The following GRK3 variants were observed in gnomAD, a reference collection of about 807,000 sequenced individuals.
GRK3 encodes G protein-coupled receptor kinase 3.
A neutral mutation model predicts 95.7 loss-of-function variants in GRK3; 54 were observed. The observed-to-expected ratio is 0.56, with a 90% CI of 0.45 to 0.71. GRK3 has a LOEUF of 0.71. GRK3 is among the 30% of genes least tolerant of loss of function. The pLI, the probability that GRK3 is intolerant of heterozygous loss-of-function variation, is 0.00. For synonymous variants in GRK3, 281 were observed against 290.8 expected (o/e 0.97, Z 0.34); for missense variants, 649 against 851.2 (o/e 0.76, Z 2.96).
chr22:25,643,383 TC>T (rs2084757387), intron 2 of GRK3, among the ~76,000 whole-genome samples: 1 of 152,226 alleles, frequency 6.6e-6, no homozygotes, highest in South Asian at 2.1e-4. Context: ...AAGGCCACGT[TC>T]CGGGAACTAT....
intron 17 of GRK3, among the ~76,000 whole-genome samples, chr22:25,711,597 G>GT (rs945918649): frequency 1.2e-4 from 18 of 151,980 alleles, no homozygotes; most frequent in South Asian, 2.1e-4. Context: ...AATAATCACT[G>GT]TTTTTTTTAA....
At chr22:25,619,002 G>C (rs766783744) in intron 2 of GRK3, among the ~76,000 whole-genome samples, 1 of 152,170 alleles carries the variant, frequency 6.6e-6, no homozygotes, top group Non-Finnish European at 1.5e-5. Flanking sequence ...CATGGTGAGA[G>C]ATTAAGTCTG....
At chr22:25,702,924 T>C (rs1439864608) in intron 13 of GRK3, 14 of 455,790 alleles carry the variant, frequency 3.1e-5, no homozygotes, top group Non-Finnish European at 5.7e-5. Context: ...CTTTTCTGAC[T>C]CTGGAGTCGG....
At chr22:25,690,699 A>C (rs1026329361) in intron 12 of GRK3, among the ~76,000 whole-genome samples, 2 of 152,148 alleles carry the variant, frequency 1.3e-5, no homozygotes, top group African/African-American at 4.8e-5. Flanking sequence ...TGGTCAAGGG[A>C]GGTCCTCGGG....
At chr22:25,570,030 C>A (rs1469808116) in intron 1 of GRK3, among the ~76,000 whole-genome samples, 3 of 152,190 alleles carry the variant, frequency 2.0e-5, no homozygotes, top group Non-Finnish European at 2.9e-5. Flanking sequence ...AAAACGAATA[C>A]CAAACTCCCT....
At chr22:25,664,951 T>C (rs1300810353) in intron 5 of GRK3, among the ~76,000 whole-genome samples, 1 of 152,232 alleles carries the variant, frequency 6.6e-6, no homozygotes, top group Non-Finnish European at 1.5e-5. Context: ...AATAATTAGA[T>C]GGACTTTCAT....
In GRK3 at chr22:25,687,573, T is replaced by A; in HGVS notation, c.863T>A (p.Val288Glu). ...DLHYHLSQHG[V>E]FSEKEMRFYA... is the part of the protein sequence containing the mutation. ...CACTACCACCTTTCACAACACGGTGTGTTCTCTGAGAAGGAGATGCGGTTT... is the reference window on the plus strand; with the variant it reads ...CACTACCACCTTTCACAACACGGTGAGTTCTCTGAGAAGGAGATGCGGTTT... The change falls in exon 11 of 21, where the codon GTG (valine) becomes GAG (glutamate). Residue 288 changes from valine (V) to glutamate (E), a missense_variant. By Grantham distance (121) the Val-to-Glu change is moderately radical. Transcript: ENST00000324198. 1 of 1,614,152 alleles carries A rather than the reference T, an allele frequency of 6.2e-7. No homozygotes were observed. The highest frequency in any genetic ancestry group is 8.5e-7 in the Non-Finnish European group (1 of 1,179,990).
intron 2 of GRK3, among the ~76,000 whole-genome samples, chr22:25,638,638 T>C (rs905037709): frequency 6.6e-6 from 1 of 152,180 alleles, no homozygotes; most frequent in Non-Finnish European, 1.5e-5. Context: ...ATAGTAATAG[T>C]GGGGGGATAC....
At chr22:25,628,822 TC>T (rs2084645085) in intron 2 of GRK3, among the ~76,000 whole-genome samples, 1 of 152,102 alleles carries the variant, frequency 6.6e-6, no homozygotes, top group Non-Finnish European at 1.5e-5. Flanking sequence ...TGCACTTCCA[TC>T]TTGTGGCACT....
chr22:25,667,834 T>G (rs1038092462), intron 6 of GRK3, 34 bp downstream of exon 6: 17 of 1,293,434 alleles, frequency 1.3e-5, no homozygotes, highest in Non-Finnish European at 1.9e-5. Context: ...TACACAATTT[T>G]TTATCATGTA....
At chr22:25,653,979 C>T (rs1355366757) in intron 3 of GRK3, among the ~76,000 whole-genome samples, 2 of 152,124 alleles carry the variant, frequency 1.3e-5, no homozygotes, top group African/African-American at 2.4e-5. Context: ...GAGCCACCGG[C>T]GCCCAGCCCA....
intron 2 of GRK3, among the ~76,000 whole-genome samples, chr22:25,623,361 G>A (rs16980512): frequency 4.6e-5 from 7 of 152,064 alleles, no homozygotes; most frequent in Admixed American, 6.5e-5. Context: ...AATTCCCGCC[G>A]TGTAAGCCCC....
intron 2 of GRK3, among the ~76,000 whole-genome samples, chr22:25,635,441 A>G (rs1718218402): frequency 1.3e-5 from 2 of 152,318 alleles, no homozygotes; most frequent in African/African-American, 4.8e-5. Flanking sequence ...TCCAAAGTCC[A>G]TATTCATATT....
At chr22:25,637,725 T>C (rs1344049021) in intron 2 of GRK3, among the ~76,000 whole-genome samples, 1 of 152,210 alleles carries the variant, frequency 6.6e-6, no homozygotes, top group Non-Finnish European at 1.5e-5. Context: ...TCTCCAGTGA[T>C]AGAAAAGTAA....
chr22:25,721,052 G>A (rs977321049), intron 19 of GRK3, among the ~76,000 whole-genome samples: 5 of 152,124 alleles, frequency 3.3e-5, no homozygotes, highest in Admixed American at 6.5e-5. Flanking sequence ...CAGCTTTGCC[G>A]TTTTTCCCTA....
intron 1 of GRK3, among the ~76,000 whole-genome samples, chr22:25,578,157 T>C (rs899236081): frequency 6.6e-6 from 1 of 152,132 alleles, no homozygotes; most frequent in Non-Finnish European, 1.5e-5. Context: ...TTCAAATATG[T>C]GTGCTTATCA....
At chr22:25,675,252 C>T (rs2085018869) in intron 8 of GRK3, among the ~76,000 whole-genome samples, 1 of 152,188 alleles carries the variant, frequency 6.6e-6, no homozygotes. Context: ...GCCGTTGTGG[C>T]ATTTCAGATG....
intron 9 of GRK3, among the ~76,000 whole-genome samples, chr22:25,683,110 A>G (rs185111993): frequency 3.1e-3 from 473 of 152,374 alleles, no homozygotes; most frequent in African/African-American, 0.011. Context: ...ACATTTTTAA[A>G]GGATTGTAAA....
chr22:25,613,909 CTT>C (rs879804686), intron 2 of GRK3, among the ~76,000 whole-genome samples: 22 of 141,914 alleles, frequency 1.6e-4, no homozygotes, highest in Non-Finnish European at 1.5e-4. Context: ...TGGTTGTCTT[CTT>C]TTTTTTTTTT....
Sources: allele counts gnomAD v4.1 joint callset (sites outside exome capture counted in the v4.1 genomes callset), GRCh38; gene constraint gnomAD v4.1.1; transcripts MANE v1.5; gene names NCBI Gene and HGNC (gene_info 2026-07-23, HGNC 2026-07-21).